Variants in DAZAP1 observed in about 807,000 individuals in gnomAD.
DAZAP1 encodes DAZ-associated protein 1.
Under a neutral mutation model 60.1 loss-of-function variants are expected in DAZAP1, and 6 were observed. The ratio of observed to expected loss-of-function variants is 0.10; its 90% CI spans 0.05 to 0.20. The LOEUF is 0.20. Among genes scored for constraint, DAZAP1 ranks in the 10% least tolerant of loss-of-function variants. DAZAP1 has a pLI of 1.00. For missense variants in DAZAP1, 366 were observed against 560.4 expected, an observed-to-expected ratio of 0.65 and a Z score of 3.50; for synonymous variants, 235 against 215.9, an observed-to-expected ratio of 1.09 and a Z score of -0.78.
intron 8 of DAZAP1, among the ~76,000 whole-genome samples, chr19:1,429,368 T>G (rs12975794): frequency 5.5e-4 from 84 of 152,366 alleles, no homozygotes; most frequent in Middle Eastern, 3.4e-3. Context: ...CCTGGGGGGC[T>G]TGAGGAGCCG....
intron 8 of DAZAP1, among the ~76,000 whole-genome samples, chr19:1,429,485 A>T (rs2083388042): frequency 6.6e-6 from 1 of 152,010 alleles, no homozygotes; most frequent in African/African-American, 2.4e-5. Context: ...CAGCCACGGA[A>T]CCCCTGGGCT....
chr19:1,418,518 C>A lies in DAZAP1; in HGVS notation c.237+148C>A. Reference sequence around the variant, plus strand: ...GAAGGATTAAGCCTTGGTGCTGAGGCTGGATATTGCAGGAGGATACAGGGT... The same window carrying A: ...GAAGGATTAAGCCTTGGTGCTGAGGATGGATATTGCAGGAGGATACAGGGT... On this transcript the variant is annotated intron_variant, in intron 3 of 11. Transcript: ENST00000233078. This position sits in a 1 kb window ranked among gnomAD's most constrained non-coding sequence, Gnocchi z 5.7. 7.0e-7 allele frequency: 1 copy of A among 1,423,076 alleles called. No individual in the cohort carries two copies. 88.2% of individuals were successfully genotyped at this position (1,423,076 alleles called of 1,614,324 possible).
At position 1,433,537 on chromosome 19, in the gene DAZAP1, G is replaced by T; in HGVS notation, c.1048+847G>T. Reference sequence around the variant, plus strand: ...GGTGCCCGCCCACCCACCTCGCATGGCTGTGGTTCCCCTGCCCCCACGCCC... The same window carrying T: ...GGTGCCCGCCCACCCACCTCGCATGTCTGTGGTTCCCCTGCCCCCACGCCC... On this transcript the variant is annotated intron_variant, in intron 11 of 11. Transcript: ENST00000233078. This position sits in a 1 kb window ranked among gnomAD's most constrained non-coding sequence, Gnocchi z 6.1. 1.7e-6 allele frequency: 1 copy of T among 581,012 alleles called. No individual in the cohort carries two copies. The highest frequency in any genetic ancestry group is 3.1e-6 in the Non-Finnish European group (1 of 324,776). 36.0% of individuals were successfully genotyped at this position (581,012 alleles called of 1,614,324 possible). A position where few individuals can be genotyped will look rare whatever the true frequency, so the allele number is the denominator to read the frequency against.
At chr19:1,411,209 C>A (rs1449877685) in intron 1 of DAZAP1, among the ~76,000 whole-genome samples, 1 of 152,186 alleles carries the variant, frequency 6.6e-6, no homozygotes, top group Non-Finnish European at 1.5e-5. Context: ...TCTCTTGGTG[C>A]ATTTGGAGTT....
At chr19:1,410,283 C>T (rs1331410515) in intron 1 of DAZAP1, among the ~76,000 whole-genome samples, 2 of 152,130 alleles carry the variant, frequency 1.3e-5, no homozygotes, top group Non-Finnish European at 2.9e-5. Flanking sequence ...CAGGAGGAAG[C>T]GCATACGTGT....
chr19:1,428,805 C>G lies in DAZAP1; in HGVS notation c.547-37C>G, dbSNP rs763002026. On this transcript the variant is annotated intron_variant, in intron 7 of 11. Coordinates refer to ENST00000233078, the MANE Select transcript of DAZAP1 (RefSeq NM_018959.4). This position sits in a 1 kb window ranked among gnomAD's most constrained non-coding sequence, Gnocchi z 4.0. ...CTAAAGGGAAGGGGGTGCTGGGACCCGCAGCCTCGCCCTAAACCAGAGCTC... is the reference window on the plus strand; with the variant it reads ...CTAAAGGGAAGGGGGTGCTGGGACCGGCAGCCTCGCCCTAAACCAGAGCTC... The G allele has an allele frequency of 6.2e-7, 1 of 1,611,138 alleles. No individual in the cohort carries two copies. Among genetic ancestry groups the G allele is most frequent in the Non-Finnish European group, 8.5e-7 (1 of 1,178,942 alleles).
chr19:1,432,424 C>T lies in DAZAP1; in HGVS notation c.872-90C>T. On this transcript the variant is annotated intron_variant, in intron 10 of 11. Coordinates refer to ENST00000233078, the MANE Select transcript of DAZAP1 (RefSeq NM_018959.4). The surrounding 1 kb of genome is among the most constrained non-coding windows in gnomAD (Gnocchi z 4.9). ...GGTTTGGGTGGCAGTCCCGTCTGGGCAGCTCCTGCTGGGCTGGGTGTGGGT... is the reference window on the plus strand; with the variant it reads ...GGTTTGGGTGGCAGTCCCGTCTGGGTAGCTCCTGCTGGGCTGGGTGTGGGT... The T allele has an allele frequency of 7.1e-7, 1 of 1,400,184 alleles. No homozygotes were observed. Among genetic ancestry groups the T allele is most frequent in the South Asian group, 1.2e-5 (1 of 85,618 alleles). The allele number at this position is 1,400,184 out of a possible 1,614,324, so 86.7% of individuals were successfully genotyped here.
In DAZAP1 at chr19:1,407,751, C is replaced by T. The variant is rs1600168518; in HGVS notation, c.-23C>T. 9.2e-7 allele frequency: 1 copy of T among 1,085,276 alleles called. No homozygotes were observed. The highest frequency in any genetic ancestry group is 5.6e-5 in the East Asian group (1 of 18,014). The allele number at this position is 1,085,276 out of a possible 1,614,324, so 67.2% of individuals were successfully genotyped here. ...AGCGAGCGAGGAGGCCCGGGAGCGC[C>T]GAGCGTCGCCGCCGCCGCCGCCATG... On this transcript the variant is annotated 5_prime_UTR_variant, in exon 1 of 12. Transcript: ENST00000233078.
intron 1 of DAZAP1, among the ~76,000 whole-genome samples, chr19:1,414,967 C>A (rs1224591935): frequency 6.6e-6 from 1 of 151,814 alleles, no homozygotes; most frequent in African/African-American, 2.4e-5. Context: ...ACTACAGGTG[C>A]CTGCCACCAC....
rs1202684128 is a variant in DAZAP1 at position 1,422,091 on chromosome 19, G to A, written c.415-257G>A. 3.3e-5 allele frequency among the ~76,000 whole-genome samples: 5 copies of A among 152,334 alleles called. No individual in the cohort carries two copies. The highest frequency in any genetic ancestry group is 3.9e-4 in the East Asian group (2 of 5,182). On this transcript the variant is annotated intron_variant, in intron 5 of 11. Transcript: ENST00000233078. This position sits in a 1 kb window ranked among gnomAD's most constrained non-coding sequence, Gnocchi z 4.5. ...TCAGCACACACGTGAGCGGGGCCACGGGCAGCCCGGAGGCGGGTATCCAGA... is the reference window on the plus strand; with the variant it reads ...TCAGCACACACGTGAGCGGGGCCACAGGCAGCCCGGAGGCGGGTATCCAGA...
chr19:1,435,630 C>G lies in DAZAP1; in HGVS notation c.*718C>G, dbSNP rs1041179696. ...CAGGCACGTGGCTTCAGGGCGTTTC[C>G]CATTGACCAGTTTGACCCTGGTTTG... is the stretch of plus-strand genomic sequence containing the variant. On this transcript the variant is annotated 3_prime_UTR_variant, in exon 12 of 12. Transcript: ENST00000233078. The G allele has an allele frequency of 6.6e-6, 1 of 152,288 alleles. No homozygotes were observed. Among genetic ancestry groups the G allele is most frequent in the Non-Finnish European group, 1.5e-5 (1 of 68,062 alleles). The allele number at this position is 152,288 out of a possible 1,614,324, so 9.4% of individuals were successfully genotyped here. A position where few individuals can be genotyped will look rare whatever the true frequency, so the allele number is the denominator to read the frequency against.
At chr19:1,411,575 G>A (rs556836456) in intron 1 of DAZAP1, among the ~76,000 whole-genome samples, 1 of 152,320 alleles carries the variant, frequency 6.6e-6, no homozygotes, top group East Asian at 1.9e-4. Flanking sequence ...GGAGCAGGCC[G>A]GTGTCTAGAA....
intron 10 of DAZAP1, 29 bp downstream of exon 10, chr19:1,430,391 C>G (rs1346982004): frequency 6.8e-7 from 1 of 1,470,104 alleles, no homozygotes; most frequent in East Asian, 2.6e-5. Flanking sequence ...GTGGGAGGGC[C>G]TCCCGCCTGC....
intron 5 of DAZAP1, among the ~76,000 whole-genome samples, chr19:1,421,888 G>A (rs1426802830): frequency 6.6e-6 from 1 of 152,200 alleles, no homozygotes; most frequent in Non-Finnish European, 1.5e-5. Context: ...AGGCCTGAGC[G>A]GGGCCTGGAA....
chr19:1,410,321 A>G (rs925556414), intron 1 of DAZAP1, among the ~76,000 whole-genome samples: 4 of 152,024 alleles, frequency 2.6e-5, no homozygotes, highest in Non-Finnish European at 4.4e-5. Flanking sequence ...CCCTCTCTGG[A>G]TCCTGGTGGG....
intron 1 of DAZAP1, among the ~76,000 whole-genome samples, chr19:1,413,308 G>A (rs1360905135): frequency 6.6e-6 from 1 of 152,250 alleles, no homozygotes; most frequent in Non-Finnish European, 1.5e-5. Context: ...TGCTGCCTGG[G>A]CAGTTGATGG....
rs2082703484 is a variant in DAZAP1, at chr19:1,407,655, CGCCGCCGTT to C, written c.-116_-108del. On this transcript the variant is annotated 5_prime_UTR_variant, in exon 1 of 12. Transcript: ENST00000233078. ...CCGCCGCCGCCGCCGCCGCCGCCGC[CGCCGCCGTT>C]GCGCAGATCCGGGCCGCGGCTGTGG... 1 of 972,342 alleles carries C rather than the reference CGCCGCCGTT, an allele frequency of 1.0e-6. No homozygotes were observed. Among genetic ancestry groups the C allele is most frequent in the Non-Finnish European group, 1.2e-6 (1 of 814,708 alleles). The allele number at this position is 972,342 out of a possible 1,614,324, so 60.2% of individuals were successfully genotyped here. A position where few individuals can be genotyped will look rare whatever the true frequency, so the allele number is the denominator to read the frequency against.
chr19:1,407,972 G>A (rs928623246), intron 1 of DAZAP1, among the ~76,000 whole-genome samples, 170 bp downstream of exon 1: 1 of 151,554 alleles, frequency 6.6e-6, no homozygotes, highest in Non-Finnish European at 1.5e-5. Flanking sequence ...CCCTGGACGG[G>A]TGCCCGGGGT....
chr19:1,429,515 G>A (rs571222932), intron 8 of DAZAP1, among the ~76,000 whole-genome samples: 36 of 152,344 alleles, frequency 2.4e-4, no homozygotes, highest in Non-Finnish European at 4.6e-4. Flanking sequence ...CCCGACCCGA[G>A]TTGTGGGTCA....
Sources: allele counts gnomAD v4.1 joint callset (sites outside exome capture counted in the v4.1 genomes callset), GRCh38; gene constraint gnomAD v4.1.1; non-coding constraint Gnocchi (gnomAD v3.1); transcripts MANE v1.5; gene names NCBI Gene and HGNC (gene_info 2026-07-23, HGNC 2026-07-21).